Variants in AGBL4 observed in about 807,000 individuals in gnomAD.
The protein encoded by AGBL4 is AGBL carboxypeptidase 4.
In AGBL4, 58 loss-of-function variants were observed where a neutral mutation model predicts 66.4. That is an observed-to-expected ratio of 0.87 (90% CI 0.71 to 1.09). The LOEUF is 1.09. Among genes scored for constraint, AGBL4 ranks in the 50% least tolerant of loss-of-function variants. The probability of loss-of-function intolerance (pLI) is 0.00; values close to 1 mark genes in which losing one functional copy is unlikely to be tolerated. For synonymous variants in AGBL4, 234 were observed against 222.9 expected (o/e 1.05, Z -0.44); for missense variants, 579 against 631.0 (o/e 0.92, Z 0.88).
chr1:49,449,331 A>G (rs1334055665), intron 3 of AGBL4, among the ~76,000 whole-genome samples: 3 of 152,032 alleles, frequency 2.0e-5, no homozygotes, highest in Admixed American at 6.6e-5. Flanking sequence ...GATAGGGAGG[A>G]GTGGTCACAG....
At chr1:50,016,669 C>T (rs1273122788) in intron 1 of AGBL4, among the ~76,000 whole-genome samples, 2 of 152,202 alleles carry the variant, frequency 1.3e-5, no homozygotes, top group East Asian at 1.9e-4. Flanking sequence ...CACATACATG[C>T]GGCCAACAAG....
intron 3 of AGBL4, among the ~76,000 whole-genome samples, chr1:49,263,518 A>T (rs1012037627): frequency 6.6e-6 from 1 of 152,312 alleles, no homozygotes; most frequent in East Asian, 1.9e-4. Context: ...AAAGGTTTGT[A>T]AATTAAATAT....
chr1:48,950,073 G>A (rs1358155080), intron 5 of AGBL4, among the ~76,000 whole-genome samples: 1 of 152,040 alleles, frequency 6.6e-6, no homozygotes, highest in Non-Finnish European at 1.5e-5. Flanking sequence ...ACAACAATCT[G>A]GGAGTAATAT....
chr1:49,696,639 C>A (rs191533564), intron 3 of AGBL4, among the ~76,000 whole-genome samples: 1 of 151,898 alleles, frequency 6.6e-6, no homozygotes, highest in African/African-American at 2.4e-5. Flanking sequence ...CCCTCCCCAA[C>A]ATATTTCAGT....
intron 5 of AGBL4, among the ~76,000 whole-genome samples, chr1:49,037,188 T>C (rs962005478): frequency 6.6e-6 from 1 of 152,090 alleles, no homozygotes; most frequent in Non-Finnish European, 1.5e-5. Context: ...GCTCTAGAGA[T>C]TCTTTTGAAG....
chr1:49,708,052 G>T (rs904140891), intron 2 of AGBL4, among the ~76,000 whole-genome samples: 1 of 152,062 alleles, frequency 6.6e-6, no homozygotes, highest in African/African-American at 2.4e-5. Flanking sequence ...TTCTTGAGAA[G>T]TATCTTTGTG....
chr1:49,585,695 T>C (rs1267683595), intron 3 of AGBL4, among the ~76,000 whole-genome samples: 1 of 152,158 alleles, frequency 6.6e-6, no homozygotes, highest in South Asian at 2.1e-4. Flanking sequence ...AACTATTATA[T>C]AATAAATATG....
At chr1:49,391,396 AGTCAGAAT>A (rs1320193252) in intron 3 of AGBL4, among the ~76,000 whole-genome samples, 1 of 152,224 alleles carries the variant, frequency 6.6e-6, no homozygotes, top group Non-Finnish European at 1.5e-5. Flanking sequence ...TAGAGAAACC[AGTCAGAAT>A]GTTAGCATAG....
chr1:49,717,885 GACTTA>G (rs1350813374), intron 2 of AGBL4, among the ~76,000 whole-genome samples: 2 of 152,024 alleles, frequency 1.3e-5, no homozygotes, highest in Admixed American at 1.3e-4. Context: ...TTTCAGGCCA[GACTTA>G]GTTCAGGGAA....
intron 3 of AGBL4, among the ~76,000 whole-genome samples, chr1:49,384,528 G>A (rs1644694923): frequency 6.6e-6 from 1 of 152,066 alleles, no homozygotes; most frequent in East Asian, 1.9e-4. Flanking sequence ...GGGAGGCGGA[G>A]GTTGCAGTGA....
At chr1:49,910,175 A>T (rs1650675740) in intron 1 of AGBL4, among the ~76,000 whole-genome samples, 1 of 152,220 alleles carries the variant, frequency 6.6e-6, no homozygotes, top group Non-Finnish European at 1.5e-5. Flanking sequence ...GGTTCAGGAA[A>T]ATGAGAAACA....
At chr1:49,224,576 C>G (rs1290544851) in intron 4 of AGBL4, among the ~76,000 whole-genome samples, 2 of 144,736 alleles carry the variant, frequency 1.4e-5, no homozygotes, top group African/African-American at 5.1e-5. Context: ...CAGATTGCGC[C>G]ACTGCACTCC....
At chr1:48,900,728 A>G (rs1652005325) in intron 5 of AGBL4, among the ~76,000 whole-genome samples, 1 of 152,224 alleles carries the variant, frequency 6.6e-6, no homozygotes, top group South Asian at 2.1e-4. Flanking sequence ...ACATATGTAA[A>G]TTCATTCAAA....
chr1:49,182,289 C>T (rs972674682), intron 4 of AGBL4, among the ~76,000 whole-genome samples: 1 of 152,132 alleles, frequency 6.6e-6, no homozygotes, highest in Non-Finnish European at 1.5e-5. Flanking sequence ...TTTGTTTCTA[C>T]AATAAAAGTA....
chr1:49,810,308 G>T (rs1032836605), intron 2 of AGBL4, among the ~76,000 whole-genome samples: 4 of 151,926 alleles, frequency 2.6e-5, no homozygotes, highest in African/African-American at 9.7e-5. Context: ...GTAAAAAGAG[G>T]AGTAAGAAAT....
At chr1:49,929,425 T>C (rs924348585) in intron 1 of AGBL4, among the ~76,000 whole-genome samples, 1 of 151,930 alleles carries the variant, frequency 6.6e-6, no homozygotes, top group Non-Finnish European at 1.5e-5. Context: ...TAGAACAAAG[T>C]GGAACAACAT....
chr1:49,880,890 A>G (rs1482570352), intron 1 of AGBL4, among the ~76,000 whole-genome samples: 1 of 152,056 alleles, frequency 6.6e-6, no homozygotes, highest in Non-Finnish European at 1.5e-5. Flanking sequence ...CGGTCTGAAA[A>G]GCACAATATT....
intron 5 of AGBL4, among the ~76,000 whole-genome samples, chr1:48,989,164 A>G (rs745880272): frequency 6.6e-6 from 1 of 152,156 alleles, no homozygotes; most frequent in African/African-American, 2.4e-5. Flanking sequence ...ATGATGTCTA[A>G]GGGTAAAGTC....
chr1:49,790,013 G>C (rs896605491), intron 2 of AGBL4, among the ~76,000 whole-genome samples: 1 of 152,082 alleles, frequency 6.6e-6, no homozygotes, highest in Non-Finnish European at 1.5e-5. Context: ...AGAGAGGCTT[G>C]AGAAATAACG....
Sources: gnomAD v4.1 joint callset for allele counts (sites outside exome capture counted in the v4.1 genomes callset) on GRCh38, gnomAD v4.1.1 for gene constraint, MANE v1.5 for transcripts, NCBI Gene and HGNC (gene_info 2026-07-23, HGNC 2026-07-21) for gene names.